C12orf42: variants seen among roughly 807,000 people sequenced by gnomAD.
The protein encoded by C12orf42 is uncharacterized protein C12orf42.
A neutral mutation model predicts 21.6 loss-of-function variants in C12orf42; 25 were observed. The observed-to-expected ratio is 1.16, with a 90% CI of 0.84 to 1.62. C12orf42 has a LOEUF of 1.62. Ranked by LOEUF, C12orf42 falls within the 40% of genes most tolerant of loss-of-function variation. C12orf42 has a pLI of 0.00. For missense variants in C12orf42, 483 were observed against 459.3 expected (o/e 1.05, Z -0.47); for synonymous variants, 174 against 175.0 (o/e 0.99, Z 0.05).
At chr12:103,218,279 CAAA>C in the C12orf42 span, among the ~76,000 whole-genome samples, 1 of 93,158 alleles carries the variant, frequency 1.1e-5, no homozygotes, top group African/African-American at 3.8e-5. Context: ...AACTCCGCTT[CAAA>C]AAAAAAAAAA....
chr12:103,542,884 A>T, the C12orf42 span, among the ~76,000 whole-genome samples: 3 of 152,260 alleles, frequency 2.0e-5, no homozygotes, highest in East Asian at 5.8e-4. Flanking sequence ...TTGCTGCAGC[A>T]GAGAAAGACA....
At chr12:103,421,481 A>G (rs1013244193) in intron 2 of C12orf42, among the ~76,000 whole-genome samples, 2 of 151,916 alleles carry the variant, frequency 1.3e-5, no homozygotes, top group African/African-American at 4.8e-5. Flanking sequence ...GGCTGAGGTG[A>G]GAGCATCATT....
Position 103,465,613 on chromosome 12 carries a change from C to T in C12orf42, c.78+12736G>A, listed in dbSNP as rs544026189. 6.4e-4 allele frequency among the ~76,000 whole-genome samples: 97 copies of T among 152,238 alleles called. 1 individual carries two copies. Among genetic ancestry groups the T allele is most frequent in the Non-Finnish European group, 1.1e-3 (75 of 68,012 alleles). On this transcript the variant is annotated intron_variant, in intron 2 of 5. Transcript: ENST00000548883. ...TCTTTCTTTCTCTTGCCTGATTGCCCTGGTCAGAACTTCCAATACTATGTT... is the reference window on the plus strand; with the variant it reads ...TCTTTCTTTCTCTTGCCTGATTGCCTTGGTCAGAACTTCCAATACTATGTT...
chr12:103,427,039 A>C (rs1949873391), intron 2 of C12orf42, among the ~76,000 whole-genome samples: 1 of 152,180 alleles, frequency 6.6e-6, no homozygotes, highest in South Asian at 2.1e-4. Flanking sequence ...ACTCTGAAGA[A>C]ACTGTATCAA....
the C12orf42 span, among the ~76,000 whole-genome samples, chr12:103,124,208 C>T: frequency 7.4e-6 from 1 of 135,706 alleles, no homozygotes. Flanking sequence ...TTTCAGTGGC[C>T]CTGCTCCCAG....
downstream of C12orf42, among the ~76,000 whole-genome samples, chr12:103,234,976 TA>T (rs956785995): frequency 2.6e-5 from 4 of 152,232 alleles, no homozygotes; most frequent in East Asian, 1.9e-4. Context: ...ATATAAATGT[TA>T]AAAAAATATG....
At chr12:103,321,327 G>A (rs1430135226) in intron 4 of C12orf42, among the ~76,000 whole-genome samples, 26 of 145,998 alleles carry the variant, frequency 1.8e-4, no homozygotes, top group South Asian at 4.5e-4. Flanking sequence ...ACCATCTCAC[G>A]CCAGTTAGAA....
chr12:103,258,128 G>T (rs1336140955), intron 10 of C12orf42, among the ~76,000 whole-genome samples: 14 of 152,016 alleles, frequency 9.2e-5, no homozygotes, highest in Admixed American at 9.2e-4. Context: ...GAGAATAAAA[G>T]ATACACACAA....
At chr12:103,192,739 C>A in the C12orf42 span, among the ~76,000 whole-genome samples, 12 of 152,044 alleles carry the variant, frequency 7.9e-5, no homozygotes, top group Non-Finnish European at 1.6e-4. Flanking sequence ...CACCTAAGTA[C>A]GGAAAGCGAA....
the C12orf42 span, among the ~76,000 whole-genome samples, chr12:103,204,038 G>A: frequency 1.3e-5 from 2 of 152,154 alleles, no homozygotes; most frequent in Non-Finnish European, 2.9e-5. Flanking sequence ...CCAGCAAGAT[G>A]TACAAGTCAA....
the C12orf42 span, among the ~76,000 whole-genome samples, chr12:103,120,735 GATT>G: frequency 2.0e-5 from 3 of 148,656 alleles, no homozygotes; most frequent in Non-Finnish European, 4.5e-5. Context: ...CTATAATAAT[GATT>G]ATTACTATAA....
At chr12:103,301,837 G>C (rs2037668607), downstream of C12orf42, 1 of 356,078 alleles carries the variant, frequency 2.8e-6, no homozygotes. Context: ...TTGCAAAGTG[G>C]CACGCGATGT....
chr12:103,209,553 G>T, the C12orf42 span, among the ~76,000 whole-genome samples: 1 of 152,186 alleles, frequency 6.6e-6, no homozygotes, highest in Non-Finnish European at 1.5e-5. Flanking sequence ...AATTCTACCA[G>T]TGTCATCTAT....
chr12:103,129,065 C>A, the C12orf42 span, among the ~76,000 whole-genome samples: 1 of 152,160 alleles, frequency 6.6e-6, no homozygotes, highest in South Asian at 2.1e-4. Context: ...ATCTGTCAGT[C>A]ATCAGTGTTC....
chr12:103,231,043 A>G, the C12orf42 span, among the ~76,000 whole-genome samples: 1 of 152,190 alleles, frequency 6.6e-6, no homozygotes, highest in Non-Finnish European at 1.5e-5. Flanking sequence ...TGACATATTT[A>G]GAAGCACATT....
the C12orf42 span, among the ~76,000 whole-genome samples, chr12:103,530,248 T>C: frequency 6.6e-6 from 1 of 152,232 alleles, no homozygotes; most frequent in Admixed American, 6.5e-5. Context: ...GCAGTTCTCC[T>C]CTGGAATCCG....
At chr12:103,329,616 TAA>T (rs568084194) in intron 4 of C12orf42, among the ~76,000 whole-genome samples, 11 of 140,056 alleles carry the variant, frequency 7.9e-5, no homozygotes, top group Admixed American at 7.1e-5. Flanking sequence ...CGGGCCTGCT[TAA>T]AAAAAAAAAA....
At chr12:103,547,213 A>C in the C12orf42 span, among the ~76,000 whole-genome samples, 1 of 152,258 alleles carries the variant, frequency 6.6e-6, no homozygotes, top group Non-Finnish European at 1.5e-5. Flanking sequence ...CACTGGCTAC[A>C]TAATGGCTAT....
At chr12:103,423,652 G>A (rs141483222) in intron 2 of C12orf42, among the ~76,000 whole-genome samples, 170 of 152,290 alleles carry the variant, frequency 1.1e-3, no homozygotes, top group African/African-American at 3.7e-3. Flanking sequence ...ATTCCTTGGA[G>A]CAGATCAACA....
Sources: gnomAD v4.1 joint callset for allele counts (sites outside exome capture counted in the v4.1 genomes callset) on GRCh38, gnomAD v4.1.1 for gene constraint, MANE v1.5 for transcripts, NCBI Gene and HGNC (gene_info 2026-07-23, HGNC 2026-07-21) for gene names.